Variants in RARB observed in about 807,000 individuals in gnomAD.
The protein encoded by RARB is retinoic acid receptor beta.
RARB carries 17 observed loss-of-function variants against 51.9 expected under a neutral mutation model. The ratio of observed to expected loss-of-function variants is 0.33; its 90% CI spans 0.22 to 0.49. The LOEUF (loss-of-function observed/expected upper bound fraction) is 0.49. RARB is among the 20% of genes least tolerant of loss of function. The pLI is 0.99. For synonymous variants in RARB, 215 were observed against 195.4 expected (o/e 1.10, Z -0.84); for missense variants, 369 against 550.8 (o/e 0.67, Z 3.30).
At chr3:25,041,317 T>G (rs1034193521) in intron 2 of RARB, among the ~76,000 whole-genome samples, 15 of 152,228 alleles carry the variant, frequency 9.9e-5, no homozygotes, top group Non-Finnish European at 7.3e-5. Context: ...CTGATACATA[T>G]GATTCACAAG....
intron 3 of RARB, among the ~76,000 whole-genome samples, chr3:25,126,956 A>G (rs1378326092): frequency 6.6e-6 from 1 of 152,060 alleles, no homozygotes; most frequent in Non-Finnish European, 1.5e-5. Context: ...ATCAAATGCA[A>G]GTTCTTCACA....
At chr3:25,323,765 G>T (rs1266236257) in intron 5 of RARB, among the ~76,000 whole-genome samples, 2 of 152,100 alleles carry the variant, frequency 1.3e-5, no homozygotes, top group African/African-American at 4.8e-5. Flanking sequence ...ATAAACCACA[G>T]CCCTAAAATG....
intron 5 of RARB, among the ~76,000 whole-genome samples, chr3:25,368,799 T>C (rs1272194766): frequency 6.6e-6 from 1 of 152,182 alleles, no homozygotes; most frequent in African/African-American, 2.4e-5. Context: ...ATTGCTCCTC[T>C]TACTTTAGCC....
chr3:25,083,990 T>C (rs1287068013), intron 3 of RARB, among the ~76,000 whole-genome samples: 5 of 152,178 alleles, frequency 3.3e-5, no homozygotes, highest in Admixed American at 2.6e-4. Flanking sequence ...TTTTGGAATC[T>C]TTGTTCATCT....
intron 5 of RARB, among the ~76,000 whole-genome samples, chr3:25,299,350 AC>A (rs1703987446): frequency 6.6e-6 from 1 of 152,078 alleles, no homozygotes; most frequent in South Asian, 2.1e-4. Context: ...GGCATGCACC[AC>A]CATGCGTGGC....
At chr3:25,369,030 A>G (rs913127609) in intron 5 of RARB, among the ~76,000 whole-genome samples, 2 of 152,182 alleles carry the variant, frequency 1.3e-5, no homozygotes, top group Non-Finnish European at 2.9e-5. Context: ...TGAAATCCCC[A>G]ATTATATAAT....
chr3:24,974,320 G>A (rs1038121482), intron 2 of RARB, among the ~76,000 whole-genome samples: 2 of 152,048 alleles, frequency 1.3e-5, no homozygotes, highest in Non-Finnish European at 2.9e-5. Flanking sequence ...TAAACGCATT[G>A]TTGAATTTAG....
chr3:25,241,678 G>T (rs1329034439), intron 5 of RARB, among the ~76,000 whole-genome samples: 1 of 152,150 alleles, frequency 6.6e-6, no homozygotes, highest in African/African-American at 2.4e-5. Flanking sequence ...GTATTCCATG[G>T]TTTATATGTG....
At chr3:25,130,249 T>A (rs1699924469) in intron 3 of RARB, among the ~76,000 whole-genome samples, 1 of 152,230 alleles carries the variant, frequency 6.6e-6, no homozygotes, top group Middle Eastern at 3.4e-3. Flanking sequence ...TTCACTGTCT[T>A]GGAAGTCTTT....
chr3:25,101,703 C>G (rs1209407214), intron 3 of RARB, among the ~76,000 whole-genome samples: 15 of 148,480 alleles, frequency 1.0e-4, no homozygotes, highest in Admixed American at 1.0e-3. Flanking sequence ...CTTCTTGATT[C>G]TTTCCATAGA....
intron 3 of RARB, among the ~76,000 whole-genome samples, chr3:25,078,807 A>G (rs1207586333): frequency 1.3e-5 from 2 of 152,192 alleles, no homozygotes; most frequent in East Asian, 3.9e-4. Flanking sequence ...CTGGGATTAC[A>G]GGCTTGAGCC....
intron 5 of RARB, among the ~76,000 whole-genome samples, chr3:25,182,300 G>A (rs6788715): frequency 0.47 from 71,966 of 152,072 alleles, 17,774 homozygotes; most frequent in East Asian, 0.7. Flanking sequence ...TAATAAGTGA[G>A]ATGGACAAAG....
intron 2 of RARB, among the ~76,000 whole-genome samples, chr3:25,467,898 C>G (rs1477837466): frequency 6.6e-6 from 1 of 152,132 alleles, no homozygotes; most frequent in East Asian, 1.9e-4. Flanking sequence ...AATTTAGTGT[C>G]TCACACAAGG....
intron 3 of RARB, among the ~76,000 whole-genome samples, chr3:25,065,910 C>G (rs1023304933): frequency 4.6e-5 from 7 of 152,064 alleles, no homozygotes; most frequent in Non-Finnish European, 7.4e-5. Context: ...CTGTAGATGA[C>G]TCTCTTTTAC....
intron 2 of RARB, among the ~76,000 whole-genome samples, chr3:24,975,425 C>T (rs898551926): frequency 2.0e-4 from 30 of 152,090 alleles, no homozygotes; most frequent in African/African-American, 5.8e-4. Flanking sequence ...ATAATCCCTG[C>T]CTTCAAAGAG....
Position 25,147,627 on chromosome 3 carries a change from G to T in RARB, c.-280+15419G>T, listed in dbSNP as rs1700216043. ...GATTTTCCATTTCTTGAATACGGAG[G>T]ATAAACATAAATTATATAAGACCTG... On this transcript the variant is annotated intron_variant, in intron 4 of 11. Coordinates refer to the RARB transcript ENST00000383772. Among the ~76,000 whole-genome samples, 3 of 152,140 alleles carry T rather than the reference G, an allele frequency of 2.0e-5. No individual in the cohort carries two copies. The South Asian group carries it at 6.2e-4, about 31-fold the overall frequency.
intron 3 of RARB, among the ~76,000 whole-genome samples, chr3:25,101,959 G>A (rs1267820878): frequency 1.3e-5 from 2 of 152,026 alleles, no homozygotes; most frequent in Non-Finnish European, 1.5e-5. Context: ...GTGAACACTC[G>A]GAGGACATGA....
intron 5 of RARB, among the ~76,000 whole-genome samples, chr3:25,382,777 G>C (rs549546145): frequency 4.0e-3 from 616 of 152,278 alleles, no homozygotes; most frequent in Non-Finnish European, 7.0e-3. Context: ...AGAATTGTTT[G>C]AACCCTGGAG....
chr3:24,958,927 T>C (rs575058975), intron 2 of RARB, among the ~76,000 whole-genome samples: 2 of 152,280 alleles, frequency 1.3e-5, no homozygotes, highest in South Asian at 4.1e-4. Flanking sequence ...AGCCCGCAGC[T>C]CTCAAACCCT....
Sources: allele counts gnomAD v4.1 joint callset (sites outside exome capture counted in the v4.1 genomes callset), GRCh38; gene constraint gnomAD v4.1.1; transcripts MANE v1.5; gene names NCBI Gene and HGNC (gene_info 2026-07-23, HGNC 2026-07-21).